The following IKZF1 variants were observed in gnomAD, a reference collection of about 807,000 sequenced individuals.
IKZF1 encodes IKAROS family zinc finger 1.
IKZF1 carries 10 observed loss-of-function variants against 51.7 expected under a neutral mutation model. The ratio of observed to expected loss-of-function variants is 0.19; its 90% CI spans 0.12 to 0.33. IKZF1 has a LOEUF of 0.33. Ranked by LOEUF, IKZF1 falls within the 10% of genes least tolerant of loss-of-function variation. The pLI is 1.00. For missense variants in IKZF1, 484 were observed against 707.5 expected (o/e 0.68, Z 3.58); for synonymous variants, 280 against 282.3 (o/e 0.99, Z 0.08).
intron 4 of IKZF1, among the ~76,000 whole-genome samples, chr7:50,379,255 C>T (rs531027211): frequency 3.3e-5 from 5 of 152,186 alleles, no homozygotes; most frequent in African/African-American, 7.2e-5. Context: ...GGCTTAGGTA[C>T]GACGGGAATC....
intron 3 of IKZF1, among the ~76,000 whole-genome samples, chr7:50,338,277 T>G (rs1798252977): frequency 6.6e-6 from 1 of 152,226 alleles, no homozygotes; most frequent in Non-Finnish European, 1.5e-5. Context: ...AAGATCACAT[T>G]GAACCTAATT....
intron 2 of IKZF1, among the ~76,000 whole-genome samples, chr7:50,326,058 T>G (rs978453243): frequency 5.3e-5 from 8 of 152,240 alleles, no homozygotes; most frequent in African/African-American, 1.7e-4. Flanking sequence ...TGAAGTAGTA[T>G]TCCCCAGAGC....
chr7:50,323,642 A>G (rs1423726986), intron 2 of IKZF1, among the ~76,000 whole-genome samples: 1 of 152,264 alleles, frequency 6.6e-6, no homozygotes, highest in Non-Finnish European at 1.5e-5. Flanking sequence ...TTTTCTAAAT[A>G]AGTGAAATTG....
intron 5 of IKZF1, among the ~76,000 whole-genome samples, chr7:50,383,655 C>T (rs1424545836): frequency 6.6e-6 from 1 of 152,176 alleles, no homozygotes; most frequent in Non-Finnish European, 1.5e-5. Context: ...TTTGTCCTTC[C>T]CCTCAAGGAG....
chr7:50,337,088 T>C (rs1797975864), intron 3 of IKZF1, among the ~76,000 whole-genome samples: 2 of 151,842 alleles, frequency 1.3e-5, no homozygotes, highest in African/African-American at 4.8e-5. Flanking sequence ...TCGGTAGGAT[T>C]GGGGCAAAAC....
intron 3 of IKZF1, among the ~76,000 whole-genome samples, chr7:50,335,712 G>GC (rs2153405562): frequency 1.3e-5 from 2 of 151,134 alleles, no homozygotes; most frequent in Admixed American, 1.3e-4. Context: ...TGGGATGTGT[G>GC]CTGTGTATAT....
intron 1 of IKZF1, among the ~76,000 whole-genome samples, chr7:50,316,623 G>T (rs1166554494): frequency 6.6e-6 from 1 of 152,230 alleles, no homozygotes; most frequent in Non-Finnish European, 1.5e-5. Flanking sequence ...AAGTAAGAAG[G>T]TTCCCACAGA....
At chr7:50,346,028 C>T (rs1243217809) in intron 3 of IKZF1, among the ~76,000 whole-genome samples, 1 of 152,212 alleles carries the variant, frequency 6.6e-6, no homozygotes, top group Non-Finnish European at 1.5e-5. Context: ...TCTGACTGTT[C>T]TCCTAGTGGA....
intron 3 of IKZF1, among the ~76,000 whole-genome samples, chr7:50,341,753 T>C (rs1213340731): frequency 2.0e-5 from 3 of 152,236 alleles, no homozygotes; most frequent in African/African-American, 7.2e-5. Context: ...TTAAATATTA[T>C]TTAAGTATGT....
At chr7:50,378,800 C>T (rs1344287488) in intron 4 of IKZF1, among the ~76,000 whole-genome samples, 1 of 152,184 alleles carries the variant, frequency 6.6e-6, no homozygotes, top group African/African-American at 2.4e-5. Flanking sequence ...TAGTTTCTGC[C>T]TTGCCCTTTG....
In IKZF1 at chr7:50,376,589, A is replaced by G. The variant is rs1481026662; in HGVS notation, c.217A>G (p.Met73Val). The change falls in exon 4 of 8, where the codon ATG (methionine) becomes GTG (valine). Residue 73 changes from methionine to valine, a missense_variant. Met to Val is a conservative substitution (Grantham distance 21). Transcript: ENST00000331340. The surrounding 1 kb of genome is among the most constrained non-coding windows in gnomAD (Gnocchi z 4.5). ...SDEENGRACE[M>V]NGEECAEDLR... is the part of the protein sequence containing the mutation. ...TGAAGAGAATGGGCGTGCCTGTGAA[A>G]TGAATGGGGAAGAATGTGCGGAGGA... The G allele has an allele frequency of 6.2e-7, 1 of 1,613,964 alleles. No homozygotes were observed. Among genetic ancestry groups the G allele is most frequent in the Non-Finnish European group, 8.5e-7 (1 of 1,179,896 alleles).
chr7:50,387,292 C>T, intron 5 of IKZF1, 53 bp from the exon 6 acceptor site: 1 of 1,586,474 alleles, frequency 6.3e-7, no homozygotes, highest in Non-Finnish European at 8.6e-7. Flanking sequence ...ATTCCCCTTA[C>T]ACAGAAGGCT....
chr7:50,320,298 A>G (rs774882931), intron 2 of IKZF1, among the ~76,000 whole-genome samples: 1 of 152,074 alleles, frequency 6.6e-6, no homozygotes, highest in Non-Finnish European at 1.5e-5. Flanking sequence ...AATTTTTTTA[A>G]TCGTCACAAA....
chr7:50,334,484 CAT>C (rs1383202563), intron 3 of IKZF1, among the ~76,000 whole-genome samples: 18 of 151,050 alleles, frequency 1.2e-4, no homozygotes, highest in South Asian at 4.2e-4. Context: ...TTGTGTGTGT[CAT>C]ATGTTTGTGT....
At chr7:50,304,555 T>C (rs1364059994), upstream of IKZF1, 2 of 150,586 alleles carry the variant, frequency 1.3e-5, no homozygotes, top group African/African-American at 4.9e-5. Flanking sequence ...GGCGGCGCTG[T>C]GCGCGCGGGG....
chr7:50,404,084 CT>C lies in IKZF1; in HGVS notation c.*3461del. On this transcript the variant is annotated 3_prime_UTR_variant, in exon 8 of 8. Coordinates refer to ENST00000331340, the MANE Select transcript of IKZF1 (RefSeq NM_006060.6). ...CATCAGAAAAAAGAAGCACATAATG[CT>C]TTTGGTGCGATGGCACTCACTGTGA... 4.7e-6 allele frequency: 1 copy of C among 215,004 alleles called. No individual in the cohort carries two copies. The highest frequency in any genetic ancestry group is 6.9e-5 in the East Asian group (1 of 14,484). The allele number at this position is 215,004 out of a possible 1,614,324, so 13.3% of individuals were successfully genotyped here. A position where few individuals can be genotyped will look rare whatever the true frequency, so the allele number is the denominator to read the frequency against.
At chr7:50,334,143 G>A (rs981171969) in intron 3 of IKZF1, among the ~76,000 whole-genome samples, 3,434 of 152,238 alleles carry the variant, frequency 0.023, 125 homozygotes, top group African/African-American at 0.078. Flanking sequence ...AAATGTTTAG[G>A]GATCATGATG....
At chr7:50,315,844 C>T (rs552034790) in intron 1 of IKZF1, among the ~76,000 whole-genome samples, 5 of 152,238 alleles carry the variant, frequency 3.3e-5, no homozygotes, top group East Asian at 1.9e-4. Flanking sequence ...ATATTTTACC[C>T]GGCACTCTGC....
intron 3 of IKZF1, among the ~76,000 whole-genome samples, chr7:50,341,598 A>G (rs941590227): frequency 3.9e-4 from 60 of 152,364 alleles, no homozygotes; most frequent in African/African-American, 1.3e-3. Context: ...TGTGAAATAT[A>G]GAAATCAGAA....
Sources: allele counts gnomAD v4.1 joint callset (sites outside exome capture counted in the v4.1 genomes callset), GRCh38; gene constraint gnomAD v4.1.1; non-coding constraint Gnocchi (gnomAD v3.1); transcripts MANE v1.5; gene names NCBI Gene and HGNC (gene_info 2026-07-23, HGNC 2026-07-21).